AAK1: variants seen among roughly 807,000 people sequenced by gnomAD.
AAK1 encodes AP2 associated kinase 1.
AAK1 carries 37 observed loss-of-function variants against 116.0 expected under a neutral mutation model. The ratio of observed to expected loss-of-function variants is 0.32; its 90% confidence interval spans 0.25 to 0.42. The LOEUF (loss-of-function observed/expected upper bound fraction) is 0.42, where lower values mean the gene tolerates loss of function less well. AAK1 is among the 10% of genes least tolerant of loss of function. The probability of loss-of-function intolerance (pLI) is 1.00; values close to 1 mark genes in which losing one functional copy is unlikely to be tolerated. For missense variants in AAK1, 919 were observed against 1,170.6 expected (o/e 0.79, Z 3.14); for synonymous variants, 458 against 439.9 (o/e 1.04, Z -0.51).
In AAK1 at chr2:69,603,825, A is replaced by AT. The variant is rs201696643; in HGVS notation, c.163+39052dup. On this transcript the variant is annotated intron_variant, in intron 2 of 21. Coordinates refer to ENST00000409085, the MANE Select transcript of AAK1 (RefSeq NM_014911.5). ...TTATTTAGAGAACATTTGTGTTTAA[A>AT]TTCTCTGGTGTTTCAGGAGTTGGCA... 6.3e-3 allele frequency among the ~76,000 whole-genome samples: 965 copies of AT among 152,298 alleles called. 20 individuals are homozygous for AT. Among genetic ancestry groups the AT allele is most frequent in the East Asian group, 0.012 (62 of 5,194 alleles).
At chr2:69,516,879 T>C (rs1310486065) in intron 12 of AAK1, 3 of 152,010 alleles carry the variant, frequency 2.0e-5, no homozygotes. Context: ...AAGGTCAGCA[T>C]CAGTATGAGG....
intron 2 of AAK1, among the ~76,000 whole-genome samples, chr2:69,578,965 G>A (rs907765484): frequency 4.6e-5 from 7 of 151,962 alleles, no homozygotes. Flanking sequence ...CACCATGCCC[G>A]GCTAATTTTT....
At chr2:69,543,409 T>G (rs931114539) in intron 4 of AAK1, among the ~76,000 whole-genome samples, 2 of 152,130 alleles carry the variant, frequency 1.3e-5, no homozygotes, top group African/African-American at 4.8e-5. Flanking sequence ...AATTTATGGA[T>G]AGTATCTTCT....
In AAK1 at chr2:69,472,613, G is replaced by A. The variant is rs1674716457; in HGVS notation, c.*3256C>T. ...TCCACTTAAGCCTTATCTCCTCTGA[G>A]GTATGTATTTTTGAAAACATTGGGA... is the stretch of plus-strand genomic sequence containing the variant. On this transcript the variant is annotated 3_prime_UTR_variant, in exon 22 of 22. Transcript: ENST00000409085. 1.0e-6 allele frequency: 1 copy of A among 984,914 alleles called. No homozygotes were observed. Among genetic ancestry groups the A allele is most frequent in the Admixed American group, 6.2e-5 (1 of 16,246 alleles). The allele number at this position is 984,914 out of a possible 1,614,324, so 61.0% of individuals were successfully genotyped here.
chr2:69,601,663 T>C (rs1047396096), intron 2 of AAK1, among the ~76,000 whole-genome samples: 12 of 149,804 alleles, frequency 8.0e-5, no homozygotes, highest in Non-Finnish European at 1.5e-4. Context: ...AGACCATAGG[T>C]AGTGAGTTAA....
At chr2:69,499,702 T>C (rs12474819) in intron 16 of AAK1, among the ~76,000 whole-genome samples, 2 of 151,962 alleles carry the variant, frequency 1.3e-5, no homozygotes, top group Non-Finnish European at 1.5e-5. Flanking sequence ...TGCTTTTAAG[T>C]CCTTGAAATA....
At chr2:69,538,097 G>T (rs1329253125) in intron 5 of AAK1, among the ~76,000 whole-genome samples, 1 of 152,214 alleles carries the variant, frequency 6.6e-6, no homozygotes, top group African/African-American at 2.4e-5. Context: ...ACTGATAAGG[G>T]GGGACAACTG....
At chr2:69,485,740 A>C (rs1474592273) in intron 17 of AAK1, among the ~76,000 whole-genome samples, 1 of 151,002 alleles carries the variant, frequency 6.6e-6, no homozygotes, top group Non-Finnish European at 1.5e-5. Flanking sequence ...GCTCACTTGC[A>C]ACCTCCCTCT....
At position 69,623,076 on chromosome 2, in the gene AAK1, A is replaced by G. The variant is rs373971101; in HGVS notation, c.163+19802T>C. 1.2e-3 allele frequency among the ~76,000 whole-genome samples: 179 copies of G among 152,160 alleles called. 1 individual carries two copies. Among genetic ancestry groups the G allele is most frequent in the African/African-American group, 4.2e-3 (174 of 41,496 alleles). On this transcript the variant is annotated intron_variant, in intron 2 of 21. Transcript: ENST00000409085. ...TTTGTTCTTTCGCTCTTTGCAATAA[A>G]TCTTGCTGCTGCTCACTCTTTGGGT...
chr2:69,566,614 G>C (rs935850085), intron 2 of AAK1, among the ~76,000 whole-genome samples: 1 of 152,174 alleles, frequency 6.6e-6, no homozygotes, highest in Non-Finnish European at 1.5e-5. Flanking sequence ...CCTGGCTATT[G>C]GTTCTTTCTC....
chr2:69,627,299 A>G (rs996518912), intron 2 of AAK1, among the ~76,000 whole-genome samples: 3 of 151,692 alleles, frequency 2.0e-5, no homozygotes, highest in African/African-American at 4.8e-5. Flanking sequence ...AAAAAGAGAA[A>G]AAAAAAAAAA....
At chr2:69,582,909 A>G (rs1217000249) in intron 2 of AAK1, among the ~76,000 whole-genome samples, 1 of 152,214 alleles carries the variant, frequency 6.6e-6, no homozygotes, top group Non-Finnish European at 1.5e-5. Context: ...TGAGAGCCCC[A>G]TATTACCCCT....
intron 2 of AAK1, among the ~76,000 whole-genome samples, chr2:69,562,498 T>G (rs1671685110): frequency 6.6e-6 from 1 of 152,174 alleles, no homozygotes; most frequent in South Asian, 2.1e-4. Context: ...GAGAAGACAG[T>G]GAGTGAGAAT....
At chr2:69,630,571 C>T (rs1265539359) in intron 2 of AAK1, among the ~76,000 whole-genome samples, 3 of 152,198 alleles carry the variant, frequency 2.0e-5, no homozygotes, top group African/African-American at 4.8e-5. Flanking sequence ...TTACAACAAC[C>T]CATGCTTTTG....
At chr2:69,601,849 C>A (rs545669090) in intron 2 of AAK1, among the ~76,000 whole-genome samples, 10 of 152,246 alleles carry the variant, frequency 6.6e-5, no homozygotes, top group African/African-American at 2.4e-4. Flanking sequence ...GATTTATATA[C>A]AAAGTATCAC....
At chr2:69,522,676 C>T (rs563558435) in intron 10 of AAK1, among the ~76,000 whole-genome samples, 5 of 152,086 alleles carry the variant, frequency 3.3e-5, no homozygotes, top group Admixed American at 2.0e-4. Context: ...TGGTGGCACG[C>T]GCCTGTAGTC....
chr2:69,556,213 G>A (rs944716828), intron 3 of AAK1, among the ~76,000 whole-genome samples: 9 of 152,044 alleles, frequency 5.9e-5, no homozygotes, highest in South Asian at 2.1e-4. Context: ...ACATTTCCAC[G>A]GCCTAGAAAG....
rs191258779 is a variant in AAK1 at position 69,502,582 on chromosome 2, T to C, written c.2269+2987A>G. 1.8e-3 allele frequency among the ~76,000 whole-genome samples: 273 copies of C among 152,040 alleles called. 1 individual carries two copies. The highest frequency in any genetic ancestry group is 3.2e-3 in the Non-Finnish European group (217 of 67,982). Reference sequence around the variant, plus strand: ...GTTGCGGTGAGCCAAGATTGTGCCATTGCACTCCAGCCTGGGCAACAAGAG... The same window carrying C: ...GTTGCGGTGAGCCAAGATTGTGCCACTGCACTCCAGCCTGGGCAACAAGAG... On this transcript the variant is annotated intron_variant, in intron 16 of 21. Transcript: ENST00000409085.
At chr2:69,537,860 C>T (rs1448840526) in intron 5 of AAK1, among the ~76,000 whole-genome samples, 2 of 152,198 alleles carry the variant, frequency 1.3e-5, no homozygotes, top group Admixed American at 6.5e-5. Context: ...CTAAAAACAA[C>T]AGCGACCAGG....
Sources: gnomAD v4.1 joint callset for allele counts (sites outside exome capture counted in the v4.1 genomes callset) on GRCh38, gnomAD v4.1.1 for gene constraint, MANE v1.5 for transcripts, NCBI Gene and HGNC (gene_info 2026-07-23, HGNC 2026-07-21) for gene names.